Variants in TMEM135 observed in about 807,000 individuals in gnomAD.
The protein encoded by TMEM135 is transmembrane protein 135.
TMEM135 carries 30 observed loss-of-function variants against 60.3 expected under a neutral mutation model. The observed-to-expected ratio is 0.50, with a 90% CI of 0.37 to 0.68. The LOEUF (loss-of-function observed/expected upper bound fraction) is 0.68, where lower values mean the gene tolerates loss of function less well. Among genes scored for constraint, TMEM135 ranks in the 30% least tolerant of loss-of-function variants. The pLI is 0.00. For missense variants in TMEM135, 468 were observed against 548.8 expected (o/e 0.85, Z 1.47); for synonymous variants, 190 against 186.7 (o/e 1.02, Z -0.14).
At chr11:87,128,556 T>G (rs1455794972) in intron 4 of TMEM135, among the ~76,000 whole-genome samples, 1 of 152,208 alleles carries the variant, frequency 6.6e-6, no homozygotes, top group East Asian at 1.9e-4. Context: ...GAACAAATAA[T>G]TATGCTTTGA....
intron 4 of TMEM135, among the ~76,000 whole-genome samples, chr11:87,146,848 G>A (rs1027964709): frequency 6.6e-6 from 1 of 151,522 alleles, no homozygotes; most frequent in Admixed American, 6.6e-5. Flanking sequence ...CCTGCCTAAG[G>A]TTGCCCAAGT....
intron 3 of TMEM135, among the ~76,000 whole-genome samples, chr11:87,078,907 C>G (rs1229203418): frequency 6.6e-6 from 1 of 152,264 alleles, no homozygotes; most frequent in Admixed American, 6.5e-5. Flanking sequence ...CAGGCGTGAG[C>G]CACTGTGCCC....
chr11:87,264,846 A>ATTGACTAGAT (rs923300200), intron 6 of TMEM135, among the ~76,000 whole-genome samples: 6 of 140,956 alleles, frequency 4.3e-5, no homozygotes, highest in African/African-American at 1.6e-4. Context: ...TTGAGAAATA[A>ATTGACTAGAT]TTGACTAGAT....
chr11:87,054,993 G>A (rs1301966139), intron 1 of TMEM135, among the ~76,000 whole-genome samples: 1 of 152,110 alleles, frequency 6.6e-6, no homozygotes, highest in Non-Finnish European at 1.5e-5. Context: ...TACCTACAAT[G>A]AGTAAGAAAT....
At chr11:87,223,663 G>GCACACACACACACACACACACA (rs1320732136) in intron 5 of TMEM135, among the ~76,000 whole-genome samples, 6 of 130,862 alleles carry the variant, frequency 4.6e-5, no homozygotes, top group African/African-American at 1.2e-4. Flanking sequence ...ATACGCACAT[G>GCACACACACACACACACACACA]CACGCACACA....
intron 4 of TMEM135, among the ~76,000 whole-genome samples, chr11:87,156,918 A>T (rs1194307952): frequency 6.6e-6 from 1 of 152,206 alleles, no homozygotes; most frequent in Admixed American, 6.5e-5. Context: ...AGAATACCAG[A>T]TTATCAAAAT....
intron 1 of TMEM135, among the ~76,000 whole-genome samples, chr11:87,062,646 G>C (rs1252524886): frequency 1.3e-5 from 2 of 151,134 alleles, no homozygotes; most frequent in Non-Finnish European, 2.9e-5. Flanking sequence ...TGTATTTTTA[G>C]TATAGATGGG....
At chr11:87,226,930 T>G (rs76852867) in intron 5 of TMEM135, among the ~76,000 whole-genome samples, 1 of 151,994 alleles carries the variant, frequency 6.6e-6, no homozygotes, top group Non-Finnish European at 1.5e-5. Context: ...ATGCCTATAA[T>G]CCCAGCTGCT....
chr11:87,243,784 T>A lies in TMEM135; in HGVS notation c.509+7100T>A, dbSNP rs1180606173. On this transcript the variant is annotated intron_variant, in intron 6 of 14. Coordinates refer to ENST00000305494, the MANE Select transcript of TMEM135 (RefSeq NM_022918.4). ...ATGGGGTTTTCTAGATATACAATCA[T>A]GTCATCTCAAAACAGGGACAATTTG... Among the ~76,000 whole-genome samples, 4 of 88,432 alleles carry A rather than the reference T, an allele frequency of 4.5e-5. 1 individual carries two copies. Among genetic ancestry groups the A allele is most frequent in the Non-Finnish European group, 1.1e-4 (4 of 36,814 alleles). The allele number at this position is 88,432 out of a possible 152,430, so 58.0% of individuals were successfully genotyped here.
chr11:87,175,589 C>T (rs1436602133), intron 5 of TMEM135, among the ~76,000 whole-genome samples: 1 of 151,208 alleles, frequency 6.6e-6, no homozygotes. Flanking sequence ...TAATTTTGTC[C>T]TTAAACAAAA....
intron 4 of TMEM135, among the ~76,000 whole-genome samples, chr11:87,110,787 T>TGA (rs1857723701): frequency 6.6e-6 from 1 of 152,062 alleles, no homozygotes; most frequent in African/African-American, 2.4e-5. Flanking sequence ...TGTGTGTGTG[T>TGA]GTGATGAATA....
At chr11:87,066,422 TC>T (rs1363284025) in intron 1 of TMEM135, among the ~76,000 whole-genome samples, 2 of 152,180 alleles carry the variant, frequency 1.3e-5, no homozygotes, top group African/African-American at 4.8e-5. Context: ...ACTTAATCAG[TC>T]CTCAGTATCT....
chr11:87,321,141 T>C (rs1942812280), intron 14 of TMEM135, 60 bp from the exon 15 acceptor site: 1 of 1,455,400 alleles, frequency 6.9e-7, no homozygotes, highest in Non-Finnish European at 9.4e-7. Context: ...TCAACTAAAA[T>C]GAATTATTTT....
chr11:87,188,084 C>T (rs1410535839), intron 5 of TMEM135, among the ~76,000 whole-genome samples: 1 of 148,288 alleles, frequency 6.7e-6, no homozygotes, highest in African/African-American at 2.6e-5. Context: ...AGAGAGCTCC[C>T]TTACAGAACC....
At chr11:87,204,414 G>C (rs767874812) in intron 5 of TMEM135, among the ~76,000 whole-genome samples, 2 of 151,986 alleles carry the variant, frequency 1.3e-5, no homozygotes, top group African/African-American at 2.4e-5. Context: ...CAATACAGTT[G>C]ACCTTTGAAC....
intron 4 of TMEM135, among the ~76,000 whole-genome samples, chr11:87,142,754 C>CT (rs1168851507): frequency 7.9e-5 from 12 of 151,732 alleles, no homozygotes; most frequent in African/African-American, 7.3e-5. Context: ...CTCTTGTCCT[C>CT]TTTTTTTCCC....
At chr11:87,171,390 A>C (rs1459597893) in intron 5 of TMEM135, among the ~76,000 whole-genome samples, 1 of 150,830 alleles carries the variant, frequency 6.6e-6, no homozygotes, top group East Asian at 1.9e-4. Context: ...ATGAGTGCTG[A>C]GGGTATTGAT....
chr11:87,040,057 C>T (rs1482912374), intron 1 of TMEM135, among the ~76,000 whole-genome samples: 1 of 152,076 alleles, frequency 6.6e-6, no homozygotes, highest in Non-Finnish European at 1.5e-5. Context: ...GGCCTTGTAC[C>T]CTTACATCTG....
chr11:87,243,067 A>G (rs935471577), intron 6 of TMEM135, among the ~76,000 whole-genome samples: 1 of 127,238 alleles, frequency 7.9e-6, no homozygotes, highest in East Asian at 2.0e-4. Flanking sequence ...AGCTTTCTAC[A>G]TATGGCTAGC....
Sources: allele counts gnomAD v4.1 joint callset (sites outside exome capture counted in the v4.1 genomes callset), GRCh38; gene constraint gnomAD v4.1.1; transcripts MANE v1.5; gene names NCBI Gene and HGNC (gene_info 2026-07-23, HGNC 2026-07-21).